Variants in ATRNL1 observed in about 807,000 individuals in gnomAD.
ATRNL1 encodes the protein attractin like 1.
ATRNL1 carries 95 observed loss-of-function variants against 182.7 expected under a neutral mutation model. The observed-to-expected ratio is 0.52, with a 90% CI of 0.44 to 0.62. The LOEUF is 0.62. ATRNL1 is among the 20% of genes least tolerant of loss of function. ATRNL1 has a pLI of 0.00. For missense variants in ATRNL1, 1,471 were observed against 1,679.5 expected (o/e 0.88, Z 2.17); for synonymous variants, 576 against 568.3 (o/e 1.01, Z -0.19).
intron 28 of ATRNL1, among the ~76,000 whole-genome samples, chr10:115,932,556 G>A (rs1391328464): frequency 2.0e-5 from 3 of 152,120 alleles, no homozygotes; most frequent in African/African-American, 7.2e-5. Flanking sequence ...ATGGCTAGAA[G>A]TGAGTGTTTG....
intron 27 of ATRNL1, among the ~76,000 whole-genome samples, chr10:115,824,918 C>A (rs1454648604): frequency 2.0e-5 from 3 of 152,134 alleles, no homozygotes; most frequent in African/African-American, 7.2e-5. Flanking sequence ...TTAAATCATT[C>A]TACTATAAAG....
intron 25 of ATRNL1, among the ~76,000 whole-genome samples, chr10:115,520,878 A>C (rs1377905734): frequency 1.3e-5 from 2 of 152,162 alleles, no homozygotes; most frequent in African/African-American, 4.8e-5. Context: ...ATGTTCATCC[A>C]TGCACCTTAA....
intron 8 of ATRNL1, among the ~76,000 whole-genome samples, chr10:115,212,017 A>C (rs982355469): frequency 6.6e-6 from 1 of 150,940 alleles, no homozygotes; most frequent in Non-Finnish European, 1.5e-5. Context: ...TTTTTTGTTT[A>C]TTTTTATAAT....
Position 115,286,340 on chromosome 10 carries a change from A to C in ATRNL1, c.2358A>C (p.Leu786Phe). The change falls in exon 15 of 29, where the codon TTA becomes TTC. Residue 786 changes from leucine to phenylalanine, a missense_variant. Physicochemically the swap from Leu to Phe is conservative, Grantham distance 22. This residue lies in a region of ATRNL1 where 1,031 missense variants were observed against 1,156.0 expected (regional missense o/e 0.89). Coordinates refer to ENST00000355044, the MANE Select transcript of ATRNL1 (RefSeq NM_207303.4). ...CYNLSGNLAS[L>F]TTSKEVEFVL... ...ATCTTAGTGGAAATCTTGCTTCATT[A>C]ACAACCTCAAAAGAAGTAGAATTTG... 1 of 1,608,040 alleles carries C rather than the reference A, an allele frequency of 6.2e-7. No individual in the cohort carries two copies. Among genetic ancestry groups the C allele is most frequent in the Non-Finnish European group, 8.5e-7 (1 of 1,175,610 alleles).
chr10:115,313,804 G>C (rs1182781190), intron 17 of ATRNL1, among the ~76,000 whole-genome samples: 1 of 152,122 alleles, frequency 6.6e-6, no homozygotes, highest in East Asian at 1.9e-4. Context: ...CTCCTCACGT[G>C]ATATATGATA....
At chr10:115,151,353 T>G (rs1274792960) in intron 5 of ATRNL1, among the ~76,000 whole-genome samples, 1 of 152,186 alleles carries the variant, frequency 6.6e-6, no homozygotes, top group African/African-American at 2.4e-5. Flanking sequence ...GTAAAAGCAT[T>G]CCTATTTCTC....
chr10:115,386,186 G>A (rs1465603009), intron 19 of ATRNL1, among the ~76,000 whole-genome samples: 2 of 152,048 alleles, frequency 1.3e-5, no homozygotes, highest in African/African-American at 2.4e-5. Flanking sequence ...TAATTCATGT[G>A]CATGGCATAT....
At chr10:115,588,806 T>G (rs1855733712) in intron 26 of ATRNL1, among the ~76,000 whole-genome samples, 1 of 152,238 alleles carries the variant, frequency 6.6e-6, no homozygotes, top group African/African-American at 2.4e-5. Context: ...GTTTATTTAG[T>G]GCATCTATGG....
chr10:115,454,535 T>C (rs1200835037), intron 21 of ATRNL1, among the ~76,000 whole-genome samples: 3 of 152,126 alleles, frequency 2.0e-5, no homozygotes, highest in African/African-American at 7.2e-5. Flanking sequence ...AATCCATGAA[T>C]ATGGGATGTC....
chr10:115,652,505 G>A (rs1860074761), intron 26 of ATRNL1, among the ~76,000 whole-genome samples: 1 of 151,996 alleles, frequency 6.6e-6, no homozygotes, highest in Admixed American at 6.6e-5. Context: ...CCAAACCAGT[G>A]CAAGTGAACA....
chr10:115,816,469 T>G (rs192901685), intron 27 of ATRNL1, among the ~76,000 whole-genome samples: 1 of 152,280 alleles, frequency 6.6e-6, no homozygotes, highest in African/African-American at 2.4e-5. Flanking sequence ...TTAACATCGT[T>G]AGTAATGTAT....
chr10:115,296,829 C>T (rs565771545), intron 15 of ATRNL1, among the ~76,000 whole-genome samples: 1 of 152,282 alleles, frequency 6.6e-6, no homozygotes, highest in Non-Finnish European at 1.5e-5. Context: ...ATTTGGTATA[C>T]ATTTATTACT....
intron 17 of ATRNL1, among the ~76,000 whole-genome samples, chr10:115,308,913 T>C (rs1256967845): frequency 3.3e-5 from 5 of 152,142 alleles, no homozygotes; most frequent in African/African-American, 1.2e-4. Context: ...CTTTAATCCA[T>C]CTTGAGTTGA....
At chr10:115,703,355 G>T (rs1433749983) in intron 26 of ATRNL1, among the ~76,000 whole-genome samples, 1 of 151,928 alleles carries the variant, frequency 6.6e-6, no homozygotes, top group South Asian at 2.1e-4. Context: ...CCTTGGGAAA[G>T]AATTTATAAC....
chr10:115,381,406 A>G (rs913646323), intron 19 of ATRNL1, among the ~76,000 whole-genome samples: 2 of 119,616 alleles, frequency 1.7e-5, no homozygotes, highest in Non-Finnish European at 3.8e-5. Context: ...AGCTGGGACT[A>G]CAGGCACATG....
chr10:115,655,986 C>G (rs1860306895), intron 26 of ATRNL1, among the ~76,000 whole-genome samples: 1 of 152,168 alleles, frequency 6.6e-6, no homozygotes, highest in Non-Finnish European at 1.5e-5. Flanking sequence ...TTTATTTGCA[C>G]ATGAGTTTTC....
chr10:115,672,514 G>A (rs1184432884), intron 26 of ATRNL1, among the ~76,000 whole-genome samples: 1 of 152,014 alleles, frequency 6.6e-6, no homozygotes, highest in Admixed American at 6.6e-5. Context: ...CATTTCGACT[G>A]GTGCAAAGAA....
At chr10:115,653,140 G>A (rs782384193) in intron 26 of ATRNL1, among the ~76,000 whole-genome samples, 5 of 152,162 alleles carry the variant, frequency 3.3e-5, no homozygotes, top group Non-Finnish European at 7.4e-5. Context: ...GACATTAAAT[G>A]TAAAGGCTTT....
chr10:115,940,741 G>T (rs1373701375), intron 28 of ATRNL1, among the ~76,000 whole-genome samples: 1 of 149,902 alleles, frequency 6.7e-6, no homozygotes, highest in Admixed American at 6.7e-5. Context: ...ACACACTATC[G>T]AATTCAATAA....
Sources: gnomAD v4.1 joint callset for allele counts (sites outside exome capture counted in the v4.1 genomes callset) on GRCh38, gnomAD v4.1.1 for gene constraint, gnomAD v4.1.1 regional missense constraint, MANE v1.5 for transcripts, NCBI Gene and HGNC (gene_info 2026-07-23, HGNC 2026-07-21) for gene names.